DPH6: variants seen among roughly 807,000 people sequenced by gnomAD.
DPH6 encodes the protein diphthamine biosynthesis 6.
A neutral mutation model predicts 38.2 loss-of-function variants in DPH6; 33 were observed. That is an observed-to-expected ratio of 0.86 (90% CI 0.65 to 1.15). The LOEUF is 1.15. Among genes scored for constraint, DPH6 ranks in the 50% most tolerant of loss-of-function variants. The pLI, the probability that DPH6 is intolerant of heterozygous loss-of-function variation, is 0.00. For missense variants in DPH6, 325 were observed against 320.0 expected, an observed-to-expected ratio of 1.02 and a Z score of -0.12; for synonymous variants, 108 against 103.0, an observed-to-expected ratio of 1.05 and a Z score of -0.30.
intron 3 of DPH6, among the ~76,000 whole-genome samples, chr15:35,221,890 C>A (rs947762735): frequency 6.6e-6 from 1 of 152,174 alleles, no homozygotes; most frequent in African/African-American, 2.4e-5. Flanking sequence ...AGAAGCCATG[C>A]AGCACCCTCA....
At chr15:35,167,920 C>T in the DPH6 span, among the ~76,000 whole-genome samples, 1 of 152,014 alleles carries the variant, frequency 6.6e-6, no homozygotes, top group African/African-American at 2.4e-5. Context: ...TTTTCCCATA[C>T]TTTCAATGCC....
chr15:35,544,321 G>A (rs1838232), intron 1 of DPH6, among the ~76,000 whole-genome samples: 93,478 of 149,828 alleles, frequency 0.62, 33,079 homozygotes, highest in East Asian at 0.84. Context: ...TATGGACACA[G>A]GGAGGGGCAC....
chr15:35,282,992 C>CATA, intron 3 of DPH6: 1 of 237,270 alleles, frequency 4.2e-6, no homozygotes, highest in South Asian at 5.0e-5. Flanking sequence ...TCCTGAATAT[C>CATA]ATCATCATCT....
chr15:35,384,230 T>C (rs372446655), intron 6 of DPH6, among the ~76,000 whole-genome samples: 1 of 152,172 alleles, frequency 6.6e-6, no homozygotes, highest in Non-Finnish European at 1.5e-5. Flanking sequence ...ATCATTGTAA[T>C]GAAAAATACT....
intron 5 of DPH6, among the ~76,000 whole-genome samples, chr15:35,427,408 G>A (rs1315749148): frequency 3.3e-5 from 5 of 151,882 alleles, no homozygotes; most frequent in Admixed American, 6.6e-5. Flanking sequence ...CAATGTATTT[G>A]GAAAACAAGC....
the DPH6 span, among the ~76,000 whole-genome samples, chr15:35,173,311 C>T: frequency 6.6e-6 from 1 of 152,202 alleles, no homozygotes; most frequent in African/African-American, 2.4e-5. Flanking sequence ...TCTTACTTAG[C>T]TCCTTCTTTT....
rs536703133 is a variant in DPH6, at chr15:35,404,755, T to C, written c.567+6080A>G. Among the ~76,000 whole-genome samples the C allele has an allele frequency of 2.2e-4, 34 of 152,226 alleles. No individual in the cohort carries two copies. In the Middle Eastern group the frequency reaches 0.01, roughly 46 times the overall value. ...CAATCCCATCTGTCCACTATTGCTTTGGTTGCCTGGTTGGGGGGTGGTATT... is the reference window on the plus strand; with the variant it reads ...CAATCCCATCTGTCCACTATTGCTTCGGTTGCCTGGTTGGGGGGTGGTATT... On this transcript the variant is annotated intron_variant, in intron 6 of 8. Coordinates refer to ENST00000256538, the MANE Select transcript of DPH6 (RefSeq NM_080650.4).
chr15:35,304,823 G>A (rs1296021722), intron 3 of DPH6, among the ~76,000 whole-genome samples: 1 of 151,256 alleles, frequency 6.6e-6, no homozygotes, highest in East Asian at 1.9e-4. Context: ...TCAGCAAGCT[G>A]CAGCTAAATT....
At chr15:35,416,493 T>C (rs1313659141) in intron 5 of DPH6, among the ~76,000 whole-genome samples, 1 of 152,062 alleles carries the variant, frequency 6.6e-6, no homozygotes, top group East Asian at 1.9e-4. Context: ...TGTCCAGGTT[T>C]TAGTAATGAA....
chr15:35,487,661 G>A (rs1478391694), intron 3 of DPH6, among the ~76,000 whole-genome samples: 2 of 152,240 alleles, frequency 1.3e-5, no homozygotes, highest in East Asian at 1.9e-4. Context: ...GGGAGGGGCT[G>A]CTGTGAAGAT....
intron 3 of DPH6, among the ~76,000 whole-genome samples, chr15:35,333,491 T>C (rs1261128946): frequency 6.6e-6 from 1 of 152,132 alleles, no homozygotes; most frequent in African/African-American, 2.4e-5. Context: ...TAGAAAGTAA[T>C]AGGCTAGCAC....
chr15:35,199,197 G>C, the DPH6 span, among the ~76,000 whole-genome samples: 2 of 152,172 alleles, frequency 1.3e-5, no homozygotes, highest in African/African-American at 4.8e-5. Context: ...ACAGGCGTGA[G>C]CCACCACGCC....
chr15:35,406,074 G>A (rs1039267894), intron 6 of DPH6, among the ~76,000 whole-genome samples: 1 of 152,034 alleles, frequency 6.6e-6, no homozygotes, highest in Non-Finnish European at 1.5e-5. Flanking sequence ...AAAATAGTAT[G>A]ATAAATATTA....
chr15:35,356,331 T>C (rs2052559825), intron 3 of DPH6, among the ~76,000 whole-genome samples: 1 of 152,228 alleles, frequency 6.6e-6, no homozygotes, highest in Non-Finnish European at 1.5e-5. Flanking sequence ...GGTGAGGAGC[T>C]GCATTCCTTT....
intron 3 of DPH6, among the ~76,000 whole-genome samples, chr15:35,258,964 T>C (rs966708443): frequency 6.6e-6 from 1 of 151,968 alleles, no homozygotes; most frequent in African/African-American, 2.4e-5. Flanking sequence ...CTGGCCAACA[T>C]GGTGAAACTG....
At position 35,356,504 on chromosome 15, in the gene DPH6, C is replaced by T. The variant is rs1281605958; in HGVS notation, n.207+17017G>A. 3.9e-5 allele frequency among the ~76,000 whole-genome samples: 6 copies of T among 152,294 alleles called. No homozygotes were observed. The East Asian group carries it at 1.2e-3, about 29-fold the overall frequency. The stretch of plus-strand genomic sequence containing the variant: ...TTTTGTTAGTTTTCATTTTAACAGT[C>T]AGGACCCTCAGCTGCAGGTCTGTTG... On this transcript the variant is annotated intron_variant and non_coding_transcript_variant, in intron 3 of 3. Coordinates refer to the DPH6 transcript ENST00000558973.
At position 35,522,217 on chromosome 15, in the gene DPH6, A is replaced by G. The variant is rs755739473; in HGVS notation, c.312+16057T>C. On this transcript the variant is annotated intron_variant, in intron 3 of 8. Transcript: ENST00000256538. ...CGCCTGGCTGCCCACTTTCAAATGC[A>G]TGTGAAAATCTTGGAGATTCAGAGC... 2.0e-5 allele frequency: 33 copies of G among 1,613,340 alleles called. No homozygotes were observed. The East Asian group carries it at 6.7e-4, about 33-fold the overall frequency.
intron 3 of DPH6, among the ~76,000 whole-genome samples, chr15:35,298,065 G>T (rs530090729): frequency 7.2e-5 from 11 of 151,794 alleles, no homozygotes; most frequent in African/African-American, 2.2e-4. Flanking sequence ...TTTGTAAACG[G>T]ATTTTTATAC....
intron 3 of DPH6, among the ~76,000 whole-genome samples, chr15:35,473,556 G>C (rs981563103): frequency 6.6e-6 from 1 of 151,988 alleles, no homozygotes; most frequent in African/African-American, 2.4e-5. Context: ...AGAGCATTAA[G>C]GAGAGTAGAA....
Sources: gnomAD v4.1 joint callset for allele counts (sites outside exome capture counted in the v4.1 genomes callset) on GRCh38, gnomAD v4.1.1 for gene constraint, MANE v1.5 for transcripts, NCBI Gene and HGNC (gene_info 2026-07-23, HGNC 2026-07-21) for gene names.